AFF4: variants seen among roughly 807,000 people sequenced by gnomAD.
AFF4 encodes the protein ALF transcription elongation factor 4, also known as AF4/FMR2 family member 4.
AFF4 carries 13 observed loss-of-function variants against 124.8 expected under a neutral mutation model. The observed-to-expected ratio is 0.10, with a 90% confidence interval of 0.07 to 0.17. The LOEUF is 0.17. Ranked by LOEUF, AFF4 falls within the 10% of genes least tolerant of loss-of-function variation. The pLI is 1.00. For missense variants in AFF4, 1,092 were observed against 1,403.8 expected (o/e 0.78, Z 3.55); for synonymous variants, 477 against 496.1 (o/e 0.96, Z 0.51).
intron 1 of AFF4, among the ~76,000 whole-genome samples, chr5:132,951,084 G>T (rs569584968): frequency 4.8e-4 from 73 of 152,216 alleles, no homozygotes; most frequent in Admixed American, 7.9e-4. Flanking sequence ...AATTAGCCAG[G>T]CGTGGTGGTG....
intron 1 of AFF4, among the ~76,000 whole-genome samples, chr5:132,946,060 CA>C (rs563486879): frequency 6.6e-6 from 1 of 151,286 alleles, no homozygotes; most frequent in African/African-American, 2.4e-5. Context: ...AACTCTGTCT[CA>C]AAAAAAATAA....
intron 13 of AFF4, among the ~76,000 whole-genome samples, chr5:132,890,430 G>A (rs1252326065): frequency 6.6e-6 from 1 of 151,872 alleles, no homozygotes; most frequent in African/African-American, 2.4e-5. Flanking sequence ...CACCATGCCT[G>A]GCCCCCTCTA....
chr5:132,927,753 CAA>C (rs986112254), intron 4 of AFF4, among the ~76,000 whole-genome samples: 1 of 152,114 alleles, frequency 6.6e-6, no homozygotes, highest in Non-Finnish European at 1.5e-5. Context: ...ATTTCATCCT[CAA>C]AAGTCTGGCT....
chr5:132,904,787 A>G (rs1760632371), intron 5 of AFF4, among the ~76,000 whole-genome samples: 1 of 152,182 alleles, frequency 6.6e-6, no homozygotes, highest in African/African-American at 2.4e-5. Flanking sequence ...ACCTTTATCC[A>G]TTAGAAGTAT....
intron 10 of AFF4, 48 bp from the exon 11 acceptor site, chr5:132,897,288 T>C (rs184377669): frequency 4.2e-4 from 653 of 1,565,390 alleles, no homozygotes; most frequent in Non-Finnish European, 2.0e-4. Flanking sequence ...TGAATGCTTT[T>C]TTCGTTCTCC....
chr5:132,949,710 G>GCC (rs1561511617), intron 1 of AFF4, among the ~76,000 whole-genome samples: 4 of 148,472 alleles, frequency 2.7e-5, no homozygotes, highest in African/African-American at 1.0e-4. Flanking sequence ...ACGCGCGCGC[G>GCC]CGCGCGCCAG....
Position 132,902,882 on chromosome 5 carries a change from G to A in AFF4, c.1088-395C>T, listed in dbSNP as rs549732244. On this transcript the variant is annotated intron_variant, in intron 6 of 20. Transcript: ENST00000265343. ...AGCCTGGTTTGTAATGGCAAAAACT[G>A]GAAAAAAATGTCCATCGATAGGGGA... Among the ~76,000 whole-genome samples, 5 of 152,060 alleles carry A rather than the reference G, an allele frequency of 3.3e-5. No homozygotes were observed. The East Asian group carries it at 5.8e-4, about 18-fold the overall frequency.
At chr5:132,917,493 A>G (rs1306626665) in intron 5 of AFF4, among the ~76,000 whole-genome samples, 1 of 152,168 alleles carries the variant, frequency 6.6e-6, no homozygotes, top group African/African-American at 2.4e-5. Flanking sequence ...CTGGCATTCA[A>G]CATCATACTA....
chr5:132,930,059 A>T (rs1761264218), intron 4 of AFF4, among the ~76,000 whole-genome samples: 1 of 152,228 alleles, frequency 6.6e-6, no homozygotes, highest in Non-Finnish European at 1.5e-5. Flanking sequence ...AGCATGGGAA[A>T]ACGGTGTACT....
chr5:132,909,658 C>G (rs1760749015), intron 5 of AFF4, among the ~76,000 whole-genome samples: 1 of 151,990 alleles, frequency 6.6e-6, no homozygotes, highest in Non-Finnish European at 1.5e-5. Context: ...AAAAAATATT[C>G]AGATTCACTC....
intron 1 of AFF4, among the ~76,000 whole-genome samples, chr5:132,955,686 G>C (rs113862230): frequency 0.026 from 3,847 of 149,470 alleles, 142 homozygotes; most frequent in African/African-American, 0.09. Flanking sequence ...GCTGAGGCAG[G>C]AGAATCGCTT....
chr5:132,899,874 C>T (rs1486899343), intron 7 of AFF4, among the ~76,000 whole-genome samples: 1 of 152,162 alleles, frequency 6.6e-6, no homozygotes, highest in Non-Finnish European at 1.5e-5. Context: ...AAAATATTCA[C>T]CTTTTCTAAT....
At chr5:132,881,330 A>G in intron 20 of AFF4, 144 bp from the exon 21 acceptor site, 2 of 853,798 alleles carry the variant, frequency 2.3e-6, no homozygotes, top group Non-Finnish European at 3.5e-6. Context: ...CATGTTTTAG[A>G]GCAAATCATT....
At chr5:132,882,596 C>T (rs891360407) in intron 20 of AFF4, among the ~76,000 whole-genome samples, 16 of 152,132 alleles carry the variant, frequency 1.1e-4, no homozygotes, top group African/African-American at 3.9e-4. Flanking sequence ...GTGGCTCACA[C>T]CTGTAATCCC....
chr5:132,950,891 C>T (rs1261698368), intron 1 of AFF4, among the ~76,000 whole-genome samples: 1 of 152,098 alleles, frequency 6.6e-6, no homozygotes, highest in Non-Finnish European at 1.5e-5. Context: ...CCTACGAATC[C>T]TTTCCATCAG....
intron 1 of AFF4, among the ~76,000 whole-genome samples, chr5:132,941,669 A>G (rs945577103): frequency 6.6e-6 from 1 of 151,972 alleles, no homozygotes; most frequent in African/African-American, 2.4e-5. Flanking sequence ...TACTCTCACA[A>G]CATCCTTCTA....
In AFF4 at chr5:132,942,999, A is replaced by C. The variant is rs1050297524; in HGVS notation, c.-4-5806T>G. The C allele has an allele frequency of 7.4e-5, 16 of 215,402 alleles. No individual in the cohort carries two copies. In the South Asian group the frequency reaches 1.3e-3, roughly 18 times the overall value. 13.3% of individuals were successfully genotyped at this position (215,402 alleles called of 1,614,324 possible). On this transcript the variant is annotated intron_variant, in intron 1 of 20. Transcript: ENST00000265343. ...TTGGATAAACTGAAAGCTGAGTGTG[A>C]GGGTGGTGGCACTGATGACAGTTCC...
At chr5:132,905,035 C>T (rs943949952) in intron 5 of AFF4, among the ~76,000 whole-genome samples, 2 of 126,148 alleles carry the variant, frequency 1.6e-5, no homozygotes, top group African/African-American at 6.0e-5. Context: ...GGCAACAGGG[C>T]GAGACTCCAT....
chr5:132,908,972 T>C (rs2150080923), intron 5 of AFF4, among the ~76,000 whole-genome samples: 1 of 150,744 alleles, frequency 6.6e-6, no homozygotes, highest in African/African-American at 2.4e-5. Context: ...GGTTTCACTG[T>C]GTTGGCCACG....
Sources: gnomAD v4.1 joint callset for allele counts (sites outside exome capture counted in the v4.1 genomes callset) on GRCh38, gnomAD v4.1.1 for gene constraint, MANE v1.5 for transcripts, NCBI Gene and HGNC (gene_info 2026-07-23, HGNC 2026-07-21) for gene names.